The following HECTD4 variants were observed in gnomAD, a reference collection of about 807,000 sequenced individuals.
The protein encoded by HECTD4 is probable E3 ubiquitin-protein ligase HECTD4.
HECTD4 carries 114 observed loss-of-function variants against 471.5 expected under a neutral mutation model. The ratio of observed to expected loss-of-function variants is 0.24; its 90% CI spans 0.21 to 0.28. The LOEUF (loss-of-function observed/expected upper bound fraction) is 0.28, where lower values mean the gene tolerates loss of function less well. Among genes scored for constraint, HECTD4 ranks in the 10% least tolerant of loss-of-function variants. HECTD4 has a pLI of 1.00. For missense variants in HECTD4, 3,866 were observed against 5,651.5 expected (o/e 0.68, Z 10.13); for synonymous variants, 2,012 against 2,256.0 (o/e 0.89, Z 3.07).
chr12:112,211,419 T>C (rs1024917450), intron 49 of HECTD4, among the ~76,000 whole-genome samples: 8 of 151,762 alleles, frequency 5.3e-5, no homozygotes, highest in Admixed American at 2.0e-4. Flanking sequence ...TTAAAATGCA[T>C]GACACGAGAA....
Position 112,235,633 on chromosome 12 carries a change from C to A in HECTD4, c.5596G>T (p.Gly1866Ter), listed in dbSNP as rs2033482695. Residue 1866 changes from glycine to a stop codon, truncating the protein, a stop_gained, in exon 36 of 76, where the codon GGA becomes TGA. Coordinates refer to ENST00000682272, the MANE Select transcript of HECTD4 (RefSeq NM_001388303.1). LOFTEE classifies it high-confidence loss of function. The surrounding 1 kb of genome is among the most constrained non-coding windows in gnomAD (Gnocchi z 5.0). ...CTCCAGGGTGGGAGCTCCACGTTTCCACAGTCTTCTACGCTCATCAGGGGC... is the reference window on the plus strand; with the variant it reads ...CTCCAGGGTGGGAGCTCCACGTTTCAACAGTCTTCTACGCTCATCAGGGGC... ...ALPLMSVEDC[G>*]NVELPPWSYS... The A allele has an allele frequency of 1.2e-6, 2 of 1,613,884 alleles. No homozygotes were observed. Among genetic ancestry groups the A allele is most frequent in the Non-Finnish European group, 1.7e-6 (2 of 1,179,900 alleles).
In HECTD4 at chr12:112,235,772, A is replaced by G. The variant is rs779489826; in HGVS notation, c.5457T>C (p.Gly1819=). The part of the protein sequence containing the change: ...LLNDLSRSHI[G]KAILSQPACV... Reference sequence around the variant, plus strand: ...AAGCTGGCTGGCTCAGGATGGCTTTACCTATGTGGCTCCTGGGAAAAAAGG... The same window carrying G: ...AAGCTGGCTGGCTCAGGATGGCTTTGCCTATGTGGCTCCTGGGAAAAAAGG... The change falls in exon 36 of 76, where the codon GGT becomes GGC. Residue 1819 remains glycine, a synonymous_variant. Coordinates refer to ENST00000682272, the MANE Select transcript of HECTD4 (RefSeq NM_001388303.1). This position sits in a 1 kb window ranked among gnomAD's most constrained non-coding sequence, Gnocchi z 5.0. 1.2e-6 allele frequency: 2 copies of G among 1,612,294 alleles called. No homozygotes were observed. Among genetic ancestry groups the G allele is most frequent in the Admixed American group, 3.3e-5 (2 of 59,714 alleles).
chr12:112,250,036 C>T, intron 25 of HECTD4, 108 bp downstream of exon 25: 1 of 794,050 alleles, frequency 1.3e-6, no homozygotes, highest in Non-Finnish European at 2.1e-6. Context: ...ATGGAGTAAA[C>T]ATAAAATTAA....
At chr12:112,279,507 T>C (rs1438111466) in intron 8 of HECTD4, 121 bp from the exon 9 acceptor site, 9 of 826,090 alleles carry the variant, frequency 1.1e-5, no homozygotes, top group Non-Finnish European at 1.7e-5. Flanking sequence ...GGAAAACAGA[T>C]TTCCAGATTA....
intron 40 of HECTD4, 26 bp from the exon 41 acceptor site, chr12:112,229,906 T>G (rs764885173): frequency 3.8e-6 from 6 of 1,587,336 alleles, no homozygotes; most frequent in Non-Finnish European, 5.2e-6. Flanking sequence ...GCCCGTGCAC[T>G]AGGAGTTAAA....
At chr12:112,176,816 G>T in intron 64 of HECTD4, 114 bp from the exon 65 acceptor site, 1 of 825,796 alleles carries the variant, frequency 1.2e-6, no homozygotes, top group Non-Finnish European at 2.0e-6. Flanking sequence ...TAGGGCTTAG[G>T]GCTCAGATAG....
intron 1 of HECTD4, among the ~76,000 whole-genome samples, chr12:112,376,522 A>G (rs2036784827): frequency 6.6e-6 from 1 of 152,166 alleles, no homozygotes; most frequent in Non-Finnish European, 1.5e-5. Flanking sequence ...CTGGGATTAC[A>G]GGCATGAGCC....
chr12:112,354,725 A>G (rs2036303349), intron 1 of HECTD4, among the ~76,000 whole-genome samples: 1 of 151,870 alleles, frequency 6.6e-6, no homozygotes. Context: ...CGCACGCACA[A>G]ACACACATAC....
chr12:112,301,985 C>G, intron 7 of HECTD4: 1 of 877,010 alleles, frequency 1.1e-6, no homozygotes, highest in Non-Finnish European at 1.9e-6. Flanking sequence ...CTCATCGTAT[C>G]TGTCATTGTC....
At chr12:112,377,185 A>G (rs1665582991) in intron 1 of HECTD4, among the ~76,000 whole-genome samples, 1 of 151,906 alleles carries the variant, frequency 6.6e-6, no homozygotes, top group Non-Finnish European at 1.5e-5. Context: ...CATGCTGAGC[A>G]CTCTGGGAGT....
At chr12:112,303,182 G>T (rs1214074978) in intron 7 of HECTD4, among the ~76,000 whole-genome samples, 1 of 152,080 alleles carries the variant, frequency 6.6e-6, no homozygotes, top group East Asian at 1.9e-4. Flanking sequence ...TCTTGGGCCT[G>T]GACAGCCAGC....
At chr12:112,190,733 A>T in intron 60 of HECTD4, 53 bp downstream of exon 60, 1 of 1,493,572 alleles carries the variant, frequency 6.7e-7, no homozygotes, top group South Asian at 1.3e-5. Context: ...CTCAGGCACC[A>T]TGCCAGCTCC....
chr12:112,201,468 T>C (rs2032428155), intron 54 of HECTD4: 1 of 150,052 alleles, frequency 6.7e-6, no homozygotes. Context: ...CAAAAGCCAA[T>C]TACTGAAAAA....
Position 112,247,067 on chromosome 12 carries a change from G to A in HECTD4, c.4347C>T (p.Phe1449=), listed in dbSNP as rs1242754555. 1 of 1,603,206 alleles carries A rather than the reference G, an allele frequency of 6.2e-7. No homozygotes were observed. Among genetic ancestry groups the A allele is most frequent in the Non-Finnish European group, 8.5e-7 (1 of 1,174,860 alleles). Residue 1449 remains phenylalanine, a synonymous_variant, in exon 29 of 76, where the codon TTC becomes TTT. Transcript: ENST00000682272. The stretch of plus-strand genomic sequence containing the variant: ...GAATAAGAGAATTCACTTCTTGTAG[G>A]AACTTCTCCCTATAAAGAAAGACTG... The part of the protein sequence containing the change: ...ENMVLSLREK[F]LQEVNSLIQK...
chr12:112,308,613 A>G, intron 6 of HECTD4, 140 bp downstream of exon 6: 1 of 764,908 alleles, frequency 1.3e-6, no homozygotes, highest in East Asian at 2.8e-5. Flanking sequence ...AAAAAACAGA[A>G]TGCCCAAACT....
At chr12:112,167,562 G>C in intron 71 of HECTD4, 24 bp from the exon 72 acceptor site, 2 of 1,540,882 alleles carry the variant, frequency 1.3e-6, no homozygotes, top group Non-Finnish European at 1.8e-6. Flanking sequence ...TGGGCATGAG[G>C]TGACCTGGGC....
At chr12:112,296,013 T>G (rs557008312) in intron 7 of HECTD4, among the ~76,000 whole-genome samples, 13 of 152,154 alleles carry the variant, frequency 8.5e-5, no homozygotes, top group Non-Finnish European at 1.5e-4. Flanking sequence ...GAAGCAGCCA[T>G]GTGGTTATCT....
At chr12:112,290,495 C>T (rs1287710392) in intron 7 of HECTD4, among the ~76,000 whole-genome samples, 1 of 151,772 alleles carries the variant, frequency 6.6e-6, no homozygotes, top group Non-Finnish European at 1.5e-5. Context: ...CATTCCACTC[C>T]AGCGTGGGCA....
chr12:112,165,437 C>T (rs2030903928), intron 72 of HECTD4, among the ~76,000 whole-genome samples: 2 of 150,862 alleles, frequency 1.3e-5, no homozygotes, highest in South Asian at 2.1e-4. Context: ...CTGCAAGCTC[C>T]GCCTCTCGAG....
Sources: allele counts gnomAD v4.1 joint callset (sites outside exome capture counted in the v4.1 genomes callset), GRCh38; gene constraint gnomAD v4.1.1; non-coding constraint Gnocchi (gnomAD v3.1); transcripts MANE v1.5; gene names NCBI Gene and HGNC (gene_info 2026-07-23, HGNC 2026-07-21).